Variants in IFIT2 observed in about 807,000 individuals in gnomAD.
The protein encoded by IFIT2 is interferon induced protein with tetratricopeptide repeats 2, also known as interferon-induced protein with tetratricopeptide repeats 2.
IFIT2 carries 3 observed loss-of-function variants against 2.5 expected under a neutral mutation model. The observed-to-expected ratio is 1.21, with a 90% confidence interval of 0.55 to 3.14. The LOEUF is 3.14. IFIT2 is among the 30% of genes most tolerant of loss of function. IFIT2 has a pLI of 0.03. For missense variants in IFIT2, 493 were observed against 558.9 expected (o/e 0.88, Z 1.19); for synonymous variants, 212 against 200.7 (o/e 1.06, Z -0.48).
chr10:89,307,148 G>A lies in IFIT2; in HGVS notation c.1192G>A (p.Gly398Ser). The change falls in exon 2 of 2, where the codon GGT becomes AGT. Residue 398 changes from glycine (G) to serine (S), a missense_variant. Coordinates refer to ENST00000371826, the MANE Select transcript of IFIT2 (RefSeq NM_001547.5). Reference sequence around the variant, plus strand: ...CAAGGCCATCCACCACTTTATAGAGGGTGTAAAAATAAACCAGAAATCAAG... The same window carrying A: ...CAAGGCCATCCACCACTTTATAGAGAGTGTAAAAATAAACCAGAAATCAAG... ...EDKAIHHFIEGVKINQKSREK... is the reference protein window; with the variant it reads ...EDKAIHHFIESVKINQKSREK... The A allele has an allele frequency of 6.2e-7, 1 of 1,613,650 alleles. No homozygotes were observed. The highest frequency in any genetic ancestry group is 8.5e-7 in the Non-Finnish European group (1 of 1,179,888).
intron 1 of IFIT2, among the ~76,000 whole-genome samples, chr10:89,302,365 C>T (rs1183028553): frequency 6.6e-6 from 1 of 152,106 alleles, no homozygotes; most frequent in Non-Finnish European, 1.5e-5. Flanking sequence ...AACTGCACGC[C>T]TGGGGAGTTG....
chr10:89,306,481 C>T lies in IFIT2; in HGVS notation c.525C>T (p.Thr175=), dbSNP rs763798404. Residue 175 remains threonine, a synonymous_variant, in exon 2 of 2, where the codon ACC becomes ACT. Transcript: ENST00000371826. The part of the protein sequence containing the change: ...LEKKPKNPEF[T]SGLAIASYRL... ...AGAAGCCAAAGAACCCAGAATTCACCTCTGGACTGGCAATAGCAAGCTACC... is the reference window on the plus strand; with the variant it reads ...AGAAGCCAAAGAACCCAGAATTCACTTCTGGACTGGCAATAGCAAGCTACC... 2.5e-6 allele frequency: 4 copies of T among 1,614,122 alleles called. No individual in the cohort carries two copies. In the South Asian group the frequency reaches 4.4e-5, roughly 18 times the overall value.
chr10:89,307,048 G>A lies in IFIT2; in HGVS notation c.1092G>A (p.Glu364=). 1.2e-6 allele frequency: 2 copies of A among 1,614,000 alleles called. No individual in the cohort carries two copies. The highest frequency in any genetic ancestry group is 1.7e-6 in the Non-Finnish European group (2 of 1,179,958). ...EYYFQKEFSK[E]LTPVAKQLLH... is the part of the protein sequence containing the mutation. ...ACTTCCAAAAGGAATTCAGTAAAGA[G>A]CTTACTCCTGTAGCGAAACAACTGC... The change falls in exon 2 of 2, where the codon GAG becomes GAA. Residue 364 remains glutamate (E), a synonymous_variant. Transcript: ENST00000371826.
chr10:89,303,116 T>C (rs949695174), intron 1 of IFIT2, among the ~76,000 whole-genome samples: 1 of 152,056 alleles, frequency 6.6e-6, no homozygotes, highest in African/African-American at 2.4e-5. Context: ...CATGGTCTTA[T>C]CTTAGAATTT....
intron 1 of IFIT2, 82 bp downstream of exon 1, chr10:89,302,210 A>T: frequency 7.0e-7 from 1 of 1,433,404 alleles, no homozygotes; most frequent in Middle Eastern, 1.8e-4. Context: ...GTTCCCAAAG[A>T]GGGCCAGCTC....
rs757318313 is a variant in IFIT2, at chr10:89,306,491, G to C, written c.535G>C (p.Ala179Pro). Residue 179 changes from alanine to proline, a missense_variant, in exon 2 of 2, where the codon GCA becomes CCA. Ala to Pro is a conservative substitution (Grantham distance 27). Coordinates refer to ENST00000371826, the MANE Select transcript of IFIT2 (RefSeq NM_001547.5). Reference sequence around the variant, plus strand: ...GAACCCAGAATTCACCTCTGGACTGGCAATAGCAAGCTACCGTCTGGACAA... The same window carrying C: ...GAACCCAGAATTCACCTCTGGACTGCCAATAGCAAGCTACCGTCTGGACAA... ...PKNPEFTSGL[A>P]IASYRLDNWP... 2 of 1,614,074 alleles carry C rather than the reference G, an allele frequency of 1.2e-6. No homozygotes were observed. The highest frequency in any genetic ancestry group is 1.7e-6 in the Non-Finnish European group (2 of 1,179,988).
In IFIT2 at chr10:89,306,946, T is replaced by G; in HGVS notation, c.990T>G (p.Asn330Lys). ...VAHLKKADEA[N>K]DNLFRVCSIL... is the part of the protein sequence containing the mutation. ...ATCTGAAGAAAGCTGATGAGGCCAA[T>G]GATAATCTCTTCCGTGTCTGTTCCA... The change falls in exon 2 of 2, where the codon AAT becomes AAG. Residue 330 changes from asparagine (N) to lysine (K), a missense_variant. Transcript: ENST00000371826. The G allele has an allele frequency of 6.2e-7, 1 of 1,614,052 alleles. No individual in the cohort carries two copies. Among genetic ancestry groups the G allele is most frequent in the African/African-American group, 1.3e-5 (1 of 75,028 alleles).
chr10:89,303,609 A>G (rs1843459644), intron 1 of IFIT2, among the ~76,000 whole-genome samples: 1 of 152,222 alleles, frequency 6.6e-6, no homozygotes, highest in Non-Finnish European at 1.5e-5. Flanking sequence ...TGCCTTTTAA[A>G]TGGCTGCTCA....
rs765222019 is a variant in IFIT2 at position 89,306,211 on chromosome 10, T to G, written c.255T>G (p.His85Gln). ...CTGAAGAGTTAATCCAGCAAGAGCA[T>G]GCTGACCAGGCAGAAATCAGAAGTC... ...RKAEELIQQE[H>Q]ADQAEIRSLV... The change falls in exon 2 of 2, where the codon CAT becomes CAG. Residue 85 changes from histidine (H) to glutamine (Q), a missense_variant. Physicochemically the swap from His to Gln is conservative, Grantham distance 24. Coordinates refer to ENST00000371826, the MANE Select transcript of IFIT2 (RefSeq NM_001547.5). The G allele has an allele frequency of 1.9e-6, 3 of 1,614,152 alleles. No homozygotes were observed. Among genetic ancestry groups the G allele is most frequent in the Non-Finnish European group, 2.5e-6 (3 of 1,180,004 alleles).
At position 89,309,208 on chromosome 10, in the gene IFIT2, T is replaced by C. The variant is rs1414490900; in HGVS notation, c.*1833T>C. On this transcript the variant is annotated 3_prime_UTR_variant, in exon 2 of 2. Coordinates refer to ENST00000371826, the MANE Select transcript of IFIT2 (RefSeq NM_001547.5). ...TGCTCCCCTTTTCTTTGTTAAATTT[T>C]GTGCTTTCATCACATTTTCTCTATT... 2 of 152,244 alleles carry C rather than the reference T, an allele frequency of 1.3e-5. No homozygotes were observed. Among genetic ancestry groups the C allele is most frequent in the Admixed American group, 1.3e-4 (2 of 15,280 alleles). 9.4% of individuals were successfully genotyped at this position (152,244 alleles called of 1,614,324 possible). A position where few individuals can be genotyped will look rare whatever the true frequency, so the allele number is the denominator to read the frequency against.
At position 89,306,354 on chromosome 10, in the gene IFIT2, T is replaced by A; in HGVS notation, c.398T>A (p.Ile133Asn). The A allele has an allele frequency of 6.2e-7, 1 of 1,614,076 alleles. No individual in the cohort carries two copies. Among genetic ancestry groups the A allele is most frequent in the Non-Finnish European group, 8.5e-7 (1 of 1,180,004 alleles). Residue 133 changes from isoleucine (I) to asparagine (N), a missense_variant, in exon 2 of 2, where the codon ATT becomes AAT. Ile to Asn is a moderately radical substitution (Grantham distance 149, BLOSUM62 -3). Coordinates refer to ENST00000371826, the MANE Select transcript of IFIT2 (RefSeq NM_001547.5). ...VCEKFSSPYR[I>N]ESPELDCEEG... is the part of the protein sequence containing the mutation. ...GAGAAGTTTTCCAGTCCCTATAGAATTGAGAGTCCAGAGCTTGACTGTGAG... is the reference window on the plus strand; with the variant it reads ...GAGAAGTTTTCCAGTCCCTATAGAAATGAGAGTCCAGAGCTTGACTGTGAG...
rs891290063 is a variant in IFIT2, at chr10:89,308,280, G to A, written c.*905G>A. 1 of 152,030 alleles carries A rather than the reference G, an allele frequency of 6.6e-6. No individual in the cohort carries two copies. The highest frequency in any genetic ancestry group is 1.5e-5 in the Non-Finnish European group (1 of 68,000). The allele number at this position is 152,030 out of a possible 1,614,324, so 9.4% of individuals were successfully genotyped here. A position where few individuals can be genotyped will look rare whatever the true frequency, so the allele number is the denominator to read the frequency against. On this transcript the variant is annotated 3_prime_UTR_variant, in exon 2 of 2. Coordinates refer to ENST00000371826, the MANE Select transcript of IFIT2 (RefSeq NM_001547.5). Reference sequence around the variant, plus strand: ...TGGTTTATCTTTGTAGATTGTAATCGAATGGAGAAATTTGCAGTATTTTAG... The same window carrying A: ...TGGTTTATCTTTGTAGATTGTAATCAAATGGAGAAATTTGCAGTATTTTAG...
At chr10:89,302,255 C>T in intron 1 of IFIT2, 127 bp downstream of exon 1, 1 of 957,988 alleles carries the variant, frequency 1.0e-6, no homozygotes, top group Non-Finnish European at 1.7e-6. Flanking sequence ...TACTATGCCT[C>T]TACCTCTGTT....
In IFIT2 at chr10:89,306,785, A is replaced by C. The variant is rs774366317; in HGVS notation, c.829A>C (p.Ile277Leu). ...IELLKKALEY[I>L]PNNAYLHCQI... ...ACTGCTTAAAAAGGCTTTAGAATAC[A>C]TACCAAACAATGCCTACCTGCATTG... The change falls in exon 2 of 2, where the codon ATA (isoleucine) becomes CTA (leucine). Residue 277 changes from isoleucine to leucine, a missense_variant. Physicochemically the swap from Ile to Leu is conservative, Grantham distance 5. Coordinates refer to ENST00000371826, the MANE Select transcript of IFIT2 (RefSeq NM_001547.5). 5 of 1,614,176 alleles carry C rather than the reference A, an allele frequency of 3.1e-6. No homozygotes were observed. In the Admixed American group the frequency reaches 8.3e-5, roughly 27 times the overall value.
chr10:89,302,911 A>G (rs749279909), intron 1 of IFIT2, among the ~76,000 whole-genome samples: 7 of 151,748 alleles, frequency 4.6e-5, no homozygotes, highest in Non-Finnish European at 1.0e-4. Context: ...CCCTGTGCTT[A>G]CTTCCTATGA....
Position 89,306,510 on chromosome 10 carries a change from T to G in IFIT2, c.554T>G (p.Leu185Arg). Reference sequence around the variant, plus strand: ...GGACTGGCAATAGCAAGCTACCGTCTGGACAACTGGCCACCATCTCAGAAC... The same window carrying G: ...GGACTGGCAATAGCAAGCTACCGTCGGGACAACTGGCCACCATCTCAGAAC... ...TSGLAIASYRLDNWPPSQNAI... is the reference protein window; with the variant it reads ...TSGLAIASYRRDNWPPSQNAI... Residue 185 changes from leucine (L) to arginine (R), a missense_variant, in exon 2 of 2, where the codon CTG becomes CGG. Physicochemically the swap from Leu to Arg is moderately radical, Grantham distance 102. Transcript: ENST00000371826. 6.2e-7 allele frequency: 1 copy of G among 1,614,096 alleles called. No homozygotes were observed. Among genetic ancestry groups the G allele is most frequent in the Non-Finnish European group, 8.5e-7 (1 of 1,179,986 alleles).
rs1367661721 is a variant in IFIT2, at chr10:89,307,280, C to G, written c.1324C>G (p.Leu442Val). The G allele has an allele frequency of 6.2e-7, 1 of 1,613,920 alleles. No individual in the cohort carries two copies. Among genetic ancestry groups the G allele is most frequent in the South Asian group, 1.1e-5 (1 of 91,064 alleles). Residue 442 changes from leucine (L) to valine (V), a missense_variant, in exon 2 of 2, where the codon CTG (leucine) becomes GTG (valine). Coordinates refer to ENST00000371826, the MANE Select transcript of IFIT2 (RefSeq NM_001547.5). ...ALHVLAFLQE[L>V]NEKMQQADED... is the part of the protein sequence containing the mutation. ...GCATGTCTTGGCATTCCTTCAGGAG[C>G]TGAATGAAAAAATGCAACAAGCAGA...
At chr10:89,305,201 A>G (rs1392799183) in intron 1 of IFIT2, among the ~76,000 whole-genome samples, 1 of 152,126 alleles carries the variant, frequency 6.6e-6, no homozygotes, top group African/African-American at 2.4e-5. Flanking sequence ...ACAAAAGCAG[A>G]TAAAATGAGT....
rs1336747218 is a variant in IFIT2 at position 89,306,450 on chromosome 10, T to C, written c.494T>C (p.Leu165Pro). The C allele has an allele frequency of 6.2e-7, 1 of 1,614,118 alleles. No homozygotes were observed. Among genetic ancestry groups the C allele is most frequent in the Admixed American group, 1.7e-5 (1 of 60,016 alleles). The change falls in exon 2 of 2, where the codon CTG becomes CCG. Residue 165 changes from leucine to proline, a missense_variant. Transcript: ENST00000371826. ...ERAKVCFEKA[L>P]EKKPKNPEFT... ...GCGAAGGTGTGCTTTGAGAAGGCTC[T>C]GGAAAAGAAGCCAAAGAACCCAGAA...
Sources: gnomAD v4.1 joint callset for allele counts (sites outside exome capture counted in the v4.1 genomes callset) on GRCh38, gnomAD v4.1.1 for gene constraint, MANE v1.5 for transcripts, NCBI Gene and HGNC (gene_info 2026-07-23, HGNC 2026-07-21) for gene names.